The following FAM117B variants were observed in gnomAD, a reference collection of about 807,000 sequenced individuals.
FAM117B encodes protein FAM117B.
A neutral mutation model predicts 52.8 loss-of-function variants in FAM117B; 22 were observed. The ratio of observed to expected loss-of-function variants is 0.42; its 90% CI spans 0.30 to 0.59. The LOEUF (loss-of-function observed/expected upper bound fraction) is 0.59, where lower values mean the gene tolerates loss of function less well. Ranked by LOEUF, FAM117B falls within the 20% of genes least tolerant of loss-of-function variation. The pLI is 0.22. For synonymous variants in FAM117B, 309 were observed against 324.1 expected (o/e 0.95, Z 0.50); for missense variants, 678 against 802.6 (o/e 0.84, Z 1.88).
intron 4 of FAM117B, among the ~76,000 whole-genome samples, chr2:202,743,081 C>T (rs1387500936): frequency 6.6e-6 from 1 of 152,182 alleles, no homozygotes; most frequent in African/African-American, 2.4e-5. Flanking sequence ...ACATGGAAAC[C>T]CAAGGACTAG....
At chr2:202,704,207 A>G (rs1690839368) in intron 2 of FAM117B, among the ~76,000 whole-genome samples, 1 of 152,222 alleles carries the variant, frequency 6.6e-6, no homozygotes, top group Non-Finnish European at 1.5e-5. Flanking sequence ...AGATTAAATA[A>G]AGAAAACATA....
intron 1 of FAM117B, among the ~76,000 whole-genome samples, chr2:202,683,560 A>G (rs1227090881): frequency 1.3e-5 from 2 of 152,236 alleles, no homozygotes; most frequent in Admixed American, 6.5e-5. Context: ...AATAAATTCA[A>G]CAAGATGAAA....
chr2:202,752,822 A>T (rs1475510349), intron 4 of FAM117B, among the ~76,000 whole-genome samples: 1 of 152,198 alleles, frequency 6.6e-6, no homozygotes. Flanking sequence ...GTAACCAGAT[A>T]GTTCTTTCCA....
Position 202,763,364 on chromosome 2 carries a change from G to A in FAM117B, c.1452-2082G>A, listed in dbSNP as rs529063471. On this transcript the variant is annotated intron_variant, in intron 7 of 7. Transcript: ENST00000392238. ...TGGGATTACAAGCGTGAGCCACTGC[G>A]CCTGGCCTTCTTAAGTCATTTTTAA... 1.9e-3 allele frequency among the ~76,000 whole-genome samples: 289 copies of A among 152,178 alleles called. 1 individual carries two copies. Among genetic ancestry groups the A allele is most frequent in the Non-Finnish European group, 1.6e-3 (108 of 68,016 alleles).
chr2:202,726,208 G>T, intron 3 of FAM117B, 42 bp from the exon 4 acceptor site: 1 of 1,391,410 alleles, frequency 7.2e-7, no homozygotes, highest in Non-Finnish European at 1.0e-6. Context: ...TTTGTTTCAT[G>T]TAGAAAACAC....
At chr2:202,658,962 A>G (rs914863496) in intron 1 of FAM117B, among the ~76,000 whole-genome samples, 2 of 151,884 alleles carry the variant, frequency 1.3e-5, no homozygotes, top group Admixed American at 1.3e-4. Flanking sequence ...CTTCACTGAC[A>G]TAACTTTTTG....
chr2:202,636,183 G>A (rs1354263519), intron 1 of FAM117B, among the ~76,000 whole-genome samples: 2 of 152,238 alleles, frequency 1.3e-5, no homozygotes, highest in Non-Finnish European at 2.9e-5. Context: ...TTAGGGACAA[G>A]GTTAATGTTG....
intron 7 of FAM117B, 81 bp from the exon 8 acceptor site, chr2:202,765,365 A>G (rs1446338965): frequency 1.5e-6 from 2 of 1,309,230 alleles, no homozygotes; most frequent in Non-Finnish European, 2.1e-6. Flanking sequence ...AAAATAAAAG[A>G]GCTTGTTTCC....
At chr2:202,647,428 A>G (rs1410528501) in intron 1 of FAM117B, among the ~76,000 whole-genome samples, 1 of 152,214 alleles carries the variant, frequency 6.6e-6, no homozygotes, top group Non-Finnish European at 1.5e-5. Context: ...CAAAACGTGT[A>G]TATATATTTT....
At chr2:202,704,096 A>G (rs1690837557) in intron 2 of FAM117B, among the ~76,000 whole-genome samples, 2 of 152,152 alleles carry the variant, frequency 1.3e-5, no homozygotes, top group Non-Finnish European at 2.9e-5. Flanking sequence ...CCATTTGCAT[A>G]TCTCCTTTAG....
chr2:202,673,461 T>TTTTTTTTC (rs1559099191), intron 1 of FAM117B, among the ~76,000 whole-genome samples: 3 of 120,402 alleles, frequency 2.5e-5, no homozygotes, highest in African/African-American at 8.7e-5. Context: ...TTTTTTTTTT[T>TTTTTTTTC]TTTTGAGACG....
chr2:202,731,335 ATATAT>A (rs1574573076), intron 4 of FAM117B, among the ~76,000 whole-genome samples: 17 of 98,586 alleles, frequency 1.7e-4, no homozygotes, highest in East Asian at 6.5e-4. Flanking sequence ...AAATTGGAAT[ATATAT>A]ATATATATAT....
intron 1 of FAM117B, among the ~76,000 whole-genome samples, chr2:202,646,947 TTTTA>T (rs1256435748): frequency 3.3e-5 from 5 of 152,184 alleles, no homozygotes; most frequent in Non-Finnish European, 5.9e-5. Flanking sequence ...CCCAGCCAGC[TTTTA>T]AGACTAAACA....
At chr2:202,764,791 A>G (rs1691950563) in intron 7 of FAM117B, among the ~76,000 whole-genome samples, 1 of 152,240 alleles carries the variant, frequency 6.6e-6, no homozygotes, top group African/African-American at 2.4e-5. Context: ...TGGCTTTAAT[A>G]AAAAGCTTTC....
rs1966557 is a variant in FAM117B, at chr2:202,665,815, G to A, written c.601+30027G>A. ...AGGGTTTCACCATGTTGACCAGGCCGGTCTCGAACTCCTGACCTCGGGTGT... is the reference window on the plus strand; with the variant it reads ...AGGGTTTCACCATGTTGACCAGGCCAGTCTCGAACTCCTGACCTCGGGTGT... On this transcript the variant is annotated intron_variant, in intron 1 of 7. Coordinates refer to ENST00000392238, the MANE Select transcript of FAM117B (RefSeq NM_173511.4). Among the ~76,000 whole-genome samples, 816 of 152,212 alleles carry A rather than the reference G, an allele frequency of 5.4e-3. 14 individuals carry two copies. The highest frequency in any genetic ancestry group is 0.033 in the East Asian group (171 of 5,162).
At chr2:202,727,002 G>A (rs1263768584) in intron 4 of FAM117B, among the ~76,000 whole-genome samples, 2 of 151,970 alleles carry the variant, frequency 1.3e-5, no homozygotes, top group Admixed American at 6.5e-5. Flanking sequence ...ACCTTTATCT[G>A]CTTTGATTTT....
chr2:202,705,440 A>G (rs1236181448), intron 2 of FAM117B, among the ~76,000 whole-genome samples: 3 of 152,342 alleles, frequency 2.0e-5, no homozygotes, highest in South Asian at 2.1e-4. Flanking sequence ...TTTACTGTAC[A>G]TGATTATTTG....
intron 4 of FAM117B, among the ~76,000 whole-genome samples, chr2:202,737,894 G>A (rs567732631): frequency 6.6e-6 from 1 of 152,144 alleles, no homozygotes; most frequent in African/African-American, 2.4e-5. Context: ...GAACCACTGT[G>A]CCCGGCCAGT....
rs1468271328 is a variant in FAM117B at position 202,766,100 on chromosome 2, A to ACC, written c.*337_*338insCC. The ACC allele has an allele frequency of 1.5e-3, 315 of 212,604 alleles. No individual in the cohort carries two copies. The highest frequency in any genetic ancestry group is 3.6e-3 in the Middle Eastern group (2 of 562). 13.2% of individuals were successfully genotyped at this position (212,604 alleles called of 1,614,324 possible). A position where few individuals can be genotyped will look rare whatever the true frequency, so the allele number is the denominator to read the frequency against. On this transcript the variant is annotated 3_prime_UTR_variant, in exon 8 of 8. Transcript: ENST00000392238. ...CACACACACACACACACACACACAC[A>ACC]CACACACCCCTGATCCTTGCCAACA...
Sources: gnomAD v4.1 joint callset for allele counts (sites outside exome capture counted in the v4.1 genomes callset) on GRCh38, gnomAD v4.1.1 for gene constraint, MANE v1.5 for transcripts, NCBI Gene and HGNC (gene_info 2026-07-23, HGNC 2026-07-21) for gene names.